The following GALNT13 variants were observed in gnomAD, a reference collection of about 807,000 sequenced individuals.
The protein encoded by GALNT13 is UDP-GalNAc:polypeptide N-acetylgalactosaminyltransferase 13.
A neutral mutation model predicts 64.2 loss-of-function variants in GALNT13; 28 were observed. That is an observed-to-expected ratio of 0.44 (90% CI 0.32 to 0.60). The LOEUF is 0.60. Among genes scored for constraint, GALNT13 ranks in the 20% least tolerant of loss-of-function variants. GALNT13 has a pLI of 0.05. For missense variants in GALNT13, 577 were observed against 669.8 expected, an observed-to-expected ratio of 0.86 and a Z score of 1.53; for synonymous variants, 214 against 224.6, an observed-to-expected ratio of 0.95 and a Z score of 0.42.
intron 11 of GALNT13, among the ~76,000 whole-genome samples, chr2:154,419,331 C>T (rs1208854981): frequency 6.6e-6 from 1 of 152,066 alleles, no homozygotes; most frequent in Non-Finnish European, 1.5e-5. Context: ...CTTTCCCTGA[C>T]AAGAGTTACT....
the GALNT13 span, among the ~76,000 whole-genome samples, chr2:153,730,711 T>G: frequency 8.6e-5 from 13 of 151,044 alleles, no homozygotes; most frequent in African/African-American, 3.1e-4. Flanking sequence ...GAAAAAAAAA[T>G]AAGCCCATTA....
At chr2:153,520,163 G>C in the GALNT13 span, among the ~76,000 whole-genome samples, 1 of 152,166 alleles carries the variant, frequency 6.6e-6, no homozygotes, top group Non-Finnish European at 1.5e-5. Context: ...CAACATATTT[G>C]AGTTATTTAT....
chr2:153,669,297 C>A, the GALNT13 span, among the ~76,000 whole-genome samples: 14 of 152,178 alleles, frequency 9.2e-5, no homozygotes, highest in Non-Finnish European at 1.3e-4. Flanking sequence ...GTGAAACTCA[C>A]CTTCCCTACC....
At chr2:153,369,767 G>C in the GALNT13 span, among the ~76,000 whole-genome samples, 972 of 152,240 alleles carry the variant, frequency 6.4e-3, 7 homozygotes, top group African/African-American at 0.022. Context: ...TTGTGAGATA[G>C]CTTTGTGAAA....
the GALNT13 span, among the ~76,000 whole-genome samples, chr2:153,399,297 G>A: frequency 1.3e-5 from 2 of 152,106 alleles, no homozygotes; most frequent in Non-Finnish European, 2.9e-5. Flanking sequence ...CTGTTTTGGT[G>A]GCAGTACCAC....
the GALNT13 span, among the ~76,000 whole-genome samples, chr2:153,269,359 G>A: frequency 3.3e-5 from 5 of 152,222 alleles, no homozygotes; most frequent in South Asian, 4.1e-4. Context: ...GAGGTGAAAT[G>A]CCACCAGTCT....
At chr2:153,649,434 T>G in the GALNT13 span, among the ~76,000 whole-genome samples, 9 of 151,524 alleles carry the variant, frequency 5.9e-5, no homozygotes, top group African/African-American at 2.2e-4. Flanking sequence ...TTCATTAATT[T>G]TTTGAAGGGT....
chr2:153,233,504 G>A, the GALNT13 span, among the ~76,000 whole-genome samples: 6 of 151,018 alleles, frequency 4.0e-5, no homozygotes, highest in Admixed American at 6.6e-5. Context: ...AAAACTGCTT[G>A]TAGTTCAATG....
At chr2:153,374,299 T>G in the GALNT13 span, among the ~76,000 whole-genome samples, 1 of 152,194 alleles carries the variant, frequency 6.6e-6, no homozygotes, top group Non-Finnish European at 1.5e-5. Flanking sequence ...TATATCTCAT[T>G]GTGGTTTGGT....
At chr2:154,051,415 C>T (rs542147829) in intron 3 of GALNT13, among the ~76,000 whole-genome samples, 1 of 151,210 alleles carries the variant, frequency 6.6e-6, no homozygotes, top group Non-Finnish European at 1.5e-5. Context: ...CTCAGCCTCC[C>T]GAGTAGCTGG....
chr2:154,289,779 G>A (rs903524443), intron 8 of GALNT13, among the ~76,000 whole-genome samples: 1 of 152,186 alleles, frequency 6.6e-6, no homozygotes, highest in East Asian at 1.9e-4. Context: ...CAGCTAGAGA[G>A]GCTACAGTGT....
chr2:153,092,667 A>G, the GALNT13 span, among the ~76,000 whole-genome samples: 1 of 152,142 alleles, frequency 6.6e-6, no homozygotes, highest in African/African-American at 2.4e-5. Flanking sequence ...ATGCTACTGA[A>G]TTTTGTATGT....
rs181463578 is a variant in GALNT13, at chr2:154,383,679, A to C, written c.1157-12312A>C. On this transcript the variant is annotated intron_variant, in intron 9 of 12. Coordinates refer to ENST00000392825, the MANE Select transcript of GALNT13 (RefSeq NM_052917.4). Reference sequence around the variant, plus strand: ...AGACTAGACCAATGCACTTTAATAAATATTAAAATATTACTGTTATGATAT... The same window carrying C: ...AGACTAGACCAATGCACTTTAATAACTATTAAAATATTACTGTTATGATAT... Among the ~76,000 whole-genome samples, 17 of 152,018 alleles carry C rather than the reference A, an allele frequency of 1.1e-4. No individual in the cohort carries two copies. In the East Asian group the frequency reaches 3.3e-3, roughly 29 times the overall value.
chr2:153,836,687 G>A, the GALNT13 span, among the ~76,000 whole-genome samples: 1 of 135,428 alleles, frequency 7.4e-6, no homozygotes, highest in Non-Finnish European at 1.5e-5. Flanking sequence ...TCCCCAGAGT[G>A]TGATGTTCCC....
At chr2:154,280,390 G>C (rs1029681457) in intron 8 of GALNT13, among the ~76,000 whole-genome samples, 1 of 152,024 alleles carries the variant, frequency 6.6e-6, no homozygotes, top group Non-Finnish European at 1.5e-5. Context: ...ATATATATTT[G>C]CTGAATATAT....
chr2:153,944,542 G>C lies in GALNT13; in HGVS notation c.45G>C (p.Leu15=). The C allele has an allele frequency of 6.2e-7, 1 of 1,613,704 alleles. No individual in the cohort carries two copies. Among genetic ancestry groups the C allele is most frequent in the Non-Finnish European group, 8.5e-7 (1 of 1,179,730 alleles). ...VYCKVVLATS[L]MWVLVDVFLL... Reference sequence around the variant, plus strand: ...GCAAGGTGGTTCTAGCCACTTCGCTGATGTGGGTTCTTGTTGATGTCTTCT... The same window carrying C: ...GCAAGGTGGTTCTAGCCACTTCGCTCATGTGGGTTCTTGTTGATGTCTTCT... The change falls in exon 3 of 13, where the codon CTG becomes CTC. Residue 15 remains leucine, a synonymous_variant. Coordinates refer to ENST00000392825, the MANE Select transcript of GALNT13 (RefSeq NM_052917.4).
chr2:153,435,351 TC>T, the GALNT13 span, among the ~76,000 whole-genome samples: 1 of 152,178 alleles, frequency 6.6e-6, no homozygotes, highest in Non-Finnish European at 1.5e-5. Context: ...GTAGTTTTTT[TC>T]CAATTCTGTG....
At chr2:154,334,353 T>C (rs142593194) in intron 9 of GALNT13, among the ~76,000 whole-genome samples, 34 of 151,814 alleles carry the variant, frequency 2.2e-4, no homozygotes, top group African/African-American at 7.7e-4. Context: ...TAAATTCACA[T>C]AGCATTCACC....
chr2:153,190,595 A>G, the GALNT13 span, among the ~76,000 whole-genome samples: 1 of 151,602 alleles, frequency 6.6e-6, no homozygotes. Flanking sequence ...AAATTTTAGG[A>G]TTTTCTTATT....
Sources: allele counts gnomAD v4.1 joint callset (sites outside exome capture counted in the v4.1 genomes callset), GRCh38; gene constraint gnomAD v4.1.1; transcripts MANE v1.5; gene names NCBI Gene and HGNC (gene_info 2026-07-23, HGNC 2026-07-21).